Variants in GALNT18 observed in about 807,000 individuals in gnomAD.
The protein encoded by GALNT18 is polypeptide N-acetylgalactosaminyltransferase 18.
GALNT18 carries 44 observed loss-of-function variants against 69.5 expected under a neutral mutation model. The observed-to-expected ratio is 0.63, with a 90% CI of 0.50 to 0.81. The LOEUF (loss-of-function observed/expected upper bound fraction) is 0.81, where lower values mean the gene tolerates loss of function less well. Ranked by LOEUF, GALNT18 falls within the 40% of genes least tolerant of loss-of-function variation. GALNT18 has a pLI of 0.00. For missense variants in GALNT18, 715 were observed against 810.0 expected (o/e 0.88, Z 1.42); for synonymous variants, 364 against 318.2 (o/e 1.14, Z -1.53).
chr11:11,611,636 A>G (rs1246257124), intron 1 of GALNT18, among the ~76,000 whole-genome samples: 1 of 152,202 alleles, frequency 6.6e-6, no homozygotes, highest in African/African-American at 2.4e-5. Context: ...AAACAGGGAA[A>G]GTGTAAGGCA....
rs557101461 is a variant in GALNT18 at position 11,404,358 on chromosome 11, C to T, written c.596-25094G>A. 1.9e-4 allele frequency among the ~76,000 whole-genome samples: 29 copies of T among 152,318 alleles called. No individual in the cohort carries two copies. Among genetic ancestry groups the T allele is most frequent in the Non-Finnish European group, 3.8e-4 (26 of 68,030 alleles). On this transcript the variant is annotated intron_variant, in intron 3 of 10. Transcript: ENST00000227756. This position sits in a 1 kb window ranked among gnomAD's most constrained non-coding sequence, Gnocchi z 4.5. Reference sequence around the variant, plus strand: ...GTATATTAGTTGGATTCAACTTCGGCTGCTTTTATTCTCTCACCCTCCCTA... The same window carrying T: ...GTATATTAGTTGGATTCAACTTCGGTTGCTTTTATTCTCTCACCCTCCCTA...
At chr11:11,416,267 T>A (rs1303099015) in intron 3 of GALNT18, among the ~76,000 whole-genome samples, 2 of 152,196 alleles carry the variant, frequency 1.3e-5, no homozygotes, top group Non-Finnish European at 2.9e-5. Flanking sequence ...TGCTGGAATT[T>A]TCTGTTGTAT....
intron 2 of GALNT18, among the ~76,000 whole-genome samples, chr11:11,433,517 T>C (rs1429027061): frequency 6.6e-6 from 1 of 152,208 alleles, no homozygotes; most frequent in Non-Finnish European, 1.5e-5. Context: ...GGATCTCTCC[T>C]TGAAGCAGAA....
At chr11:11,344,862 GTAACCTCTTGGC>G (rs11269608) in intron 6 of GALNT18, among the ~76,000 whole-genome samples, 144,964 of 152,110 alleles carry the variant, frequency 0.95, 69,444 homozygotes, top group East Asian at 1. Context: ...GTCGGGCTAT[GTAACCTCTTGGC>G]TAACAAACAC....
At chr11:11,325,701 A>C (rs1489262752) in intron 9 of GALNT18, among the ~76,000 whole-genome samples, 2 of 152,136 alleles carry the variant, frequency 1.3e-5, no homozygotes, top group Non-Finnish European at 2.9e-5. Flanking sequence ...CCCTCTATAT[A>C]TGTTTTACTT....
At chr11:11,276,915 G>A (rs970168150) in intron 10 of GALNT18, among the ~76,000 whole-genome samples, 6 of 152,160 alleles carry the variant, frequency 3.9e-5, no homozygotes, top group African/African-American at 1.4e-4. Context: ...CAGTTTGCCA[G>A]TATTTCACTG....
At position 11,271,227 on chromosome 11, in the gene GALNT18, C is replaced by T; in HGVS notation, c.1741G>A (p.Glu581Lys). ...TGCAACACCAGCTGGAAGCCGAACTCCAGGTCGCTATTCTCCTGCAGCTCC... is the reference window on the plus strand; with the variant it reads ...TGCAACACCAGCTGGAAGCCGAACTTCAGGTCGCTATTCTCCTGCAGCTCC... ...CLELQENSDL[E>K]FGFQLVLQKC... Residue 581 changes from glutamate (E) to lysine (K), a missense_variant, in exon 11 of 11, where the codon GAG (glutamate) becomes AAG (lysine). By Grantham distance (56) the Glu-to-Lys change is moderately conservative. Transcript: ENST00000227756. 2.5e-6 allele frequency: 4 copies of T among 1,614,150 alleles called. No homozygotes were observed. Among genetic ancestry groups the T allele is most frequent in the Middle Eastern group, 1.7e-4 (1 of 6,060 alleles).
chr11:11,468,859 G>A (rs533839424), intron 1 of GALNT18, among the ~76,000 whole-genome samples: 2 of 152,334 alleles, frequency 1.3e-5, no homozygotes, highest in South Asian at 2.1e-4. Context: ...CCGAAAGAAG[G>A]ATACAGGAGT....
rs1853949633 is a variant in GALNT18 at position 11,382,717 on chromosome 11, A to G, written c.596-3453T>C. On this transcript the variant is annotated intron_variant, in intron 3 of 10. Coordinates refer to ENST00000227756, the MANE Select transcript of GALNT18 (RefSeq NM_198516.3). This position sits in a 1 kb window ranked among gnomAD's most constrained non-coding sequence, Gnocchi z 4.3. ...TTTGATTTTCTGGTTCAAATTTAAA[A>G]GCTGATTGACTTTTACCTTTTATTC... is the stretch of plus-strand genomic sequence containing the variant. Among the ~76,000 whole-genome samples the G allele has an allele frequency of 6.6e-6, 1 of 152,108 alleles. No individual in the cohort carries two copies. Among genetic ancestry groups the G allele is most frequent in the Non-Finnish European group, 1.5e-5 (1 of 68,036 alleles).
chr11:11,343,113 G>T (rs1017932), intron 6 of GALNT18, among the ~76,000 whole-genome samples: 77,260 of 151,872 alleles, frequency 0.51, 22,024 homozygotes, highest in Non-Finnish European at 0.66. Context: ...GGAGGCTGAG[G>T]TGGGTGGATC....
chr11:11,296,831 G>A (rs775088757), intron 9 of GALNT18, among the ~76,000 whole-genome samples: 1 of 152,172 alleles, frequency 6.6e-6, no homozygotes, highest in Non-Finnish European at 1.5e-5. Flanking sequence ...GATCACAGAG[G>A]GAGGTTCGGC....
intron 1 of GALNT18, among the ~76,000 whole-genome samples, chr11:11,527,822 A>C (rs1027296936): frequency 4.6e-5 from 7 of 152,146 alleles, no homozygotes; most frequent in Admixed American, 4.6e-4. Context: ...ATTTTCTTAA[A>C]CTGTGAATAG....
chr11:11,308,287 C>T (rs531861983), intron 9 of GALNT18, among the ~76,000 whole-genome samples: 47 of 152,302 alleles, frequency 3.1e-4, no homozygotes, highest in African/African-American at 1.1e-3. Flanking sequence ...ATATTCATCT[C>T]ATTGTCTATT....
At chr11:11,508,220 A>G (rs1384407587) in intron 1 of GALNT18, among the ~76,000 whole-genome samples, 2 of 152,194 alleles carry the variant, frequency 1.3e-5, no homozygotes, top group Non-Finnish European at 2.9e-5. Context: ...GGTCTGGAAC[A>G]TTCCCTCTAC....
At chr11:11,364,024 C>A (rs1850700366) in intron 6 of GALNT18, among the ~76,000 whole-genome samples, 1 of 151,964 alleles carries the variant, frequency 6.6e-6, no homozygotes, top group Non-Finnish European at 1.5e-5. Flanking sequence ...ATGTTTAAAC[C>A]CATAAGTTCA....
At chr11:11,510,081 G>A (rs1198258461) in intron 1 of GALNT18, among the ~76,000 whole-genome samples, 1 of 152,142 alleles carries the variant, frequency 6.6e-6, no homozygotes, top group African/African-American at 2.4e-5. Context: ...TGCAGATGCT[G>A]GCCACAGCAT....
chr11:11,374,666 T>C (rs1474043103), intron 5 of GALNT18, among the ~76,000 whole-genome samples: 1 of 152,228 alleles, frequency 6.6e-6, no homozygotes, highest in African/African-American at 2.4e-5. Flanking sequence ...CCGGCTAGGG[T>C]ATTAAGTGGA....
chr11:11,351,951 T>C, intron 6 of GALNT18: 1 of 1,592,532 alleles, frequency 6.3e-7, no homozygotes, highest in Non-Finnish European at 8.6e-7. Flanking sequence ...CCGTTACTGC[T>C]GAGCGCCAGT....
chr11:11,490,098 G>A (rs940013986), intron 1 of GALNT18, among the ~76,000 whole-genome samples: 1 of 152,252 alleles, frequency 6.6e-6, no homozygotes, highest in African/African-American at 2.4e-5. Context: ...ATGCATTAAT[G>A]CCTTTATCAT....
Sources: gnomAD v4.1 joint callset for allele counts (sites outside exome capture counted in the v4.1 genomes callset) on GRCh38, gnomAD v4.1.1 for gene constraint, Gnocchi (gnomAD v3.1) non-coding constraint, MANE v1.5 for transcripts, NCBI Gene and HGNC (gene_info 2026-07-23, HGNC 2026-07-21) for gene names.